The following PDE5A variants were observed in gnomAD, a reference collection of about 807,000 sequenced individuals.
PDE5A encodes the protein phosphodiesterase 5A.
Under a neutral mutation model 110.2 loss-of-function variants are expected in PDE5A, and 67 were observed. The ratio of observed to expected loss-of-function variants is 0.61; its 90% CI spans 0.50 to 0.75. The LOEUF is 0.75. Among genes scored for constraint, PDE5A ranks in the 30% least tolerant of loss-of-function variants. The pLI, the probability that PDE5A is intolerant of heterozygous loss-of-function variation, is 0.00. For synonymous variants in PDE5A, 328 were observed against 351.2 expected, an observed-to-expected ratio of 0.93 and a Z score of 0.74; for missense variants, 862 against 1,045.1, an observed-to-expected ratio of 0.82 and a Z score of 2.42.
intron 19 of PDE5A, chr4:119,502,337 C>T (rs186121617): frequency 5.9e-4 from 178 of 303,610 alleles, no homozygotes; most frequent in African/African-American, 3.4e-3. Context: ...AATACTTAAG[C>T]GGAAAAAAAC....
At chr4:119,576,339 A>C (rs1000287380) in intron 3 of PDE5A, among the ~76,000 whole-genome samples, 7 of 152,228 alleles carry the variant, frequency 4.6e-5, no homozygotes, top group African/African-American at 1.4e-4. Flanking sequence ...AGGTGGACCT[A>C]ATAGACATCT....
chr4:119,516,265 C>G (rs1221528878), intron 14 of PDE5A, among the ~76,000 whole-genome samples: 4 of 152,196 alleles, frequency 2.6e-5, no homozygotes, highest in African/African-American at 9.7e-5. Context: ...TTGTAGTGAT[C>G]ACTATTACTT....
chr4:119,600,333 A>G (rs936896139), intron 2 of PDE5A, among the ~76,000 whole-genome samples: 2 of 152,136 alleles, frequency 1.3e-5, no homozygotes, highest in Admixed American at 1.3e-4. Flanking sequence ...TTTTATTATA[A>G]TAAGTAGATA....
chr4:119,496,665 T>G lies in PDE5A; in HGVS notation c.*1936A>C, dbSNP rs1233537445. 3.9e-5 allele frequency: 6 copies of G among 152,506 alleles called. No homozygotes were observed. The highest frequency in any genetic ancestry group is 7.4e-5 in the Non-Finnish European group (5 of 67,936). 9.4% of individuals were successfully genotyped at this position (152,506 alleles called of 1,614,324 possible). On this transcript the variant is annotated 3_prime_UTR_variant, in exon 21 of 21. Coordinates refer to ENST00000354960, the MANE Select transcript of PDE5A (RefSeq NM_001083.4). ...TGTAATAAAAAGGTTTATTAAAGAT[T>G]GCTATTCTTTATGCAATTTTTCTAT...
chr4:119,549,302 T>C (rs1727255743), intron 9 of PDE5A: 1 of 152,232 alleles, frequency 6.6e-6, no homozygotes, highest in African/African-American at 2.4e-5. Flanking sequence ...GATGTAGGTG[T>C]TTAGCCAGTT....
Position 119,496,757 on chromosome 4 carries a change from T to C in PDE5A, c.*1844A>G, listed in dbSNP as rs1341154844. 1 of 152,576 alleles carries C rather than the reference T, an allele frequency of 6.6e-6. No homozygotes were observed. The highest frequency in any genetic ancestry group is 1.5e-5 in the Non-Finnish European group (1 of 68,000). The allele number at this position is 152,576 out of a possible 1,614,324, so 9.5% of individuals were successfully genotyped here. A position where few individuals can be genotyped will look rare whatever the true frequency, so the allele number is the denominator to read the frequency against. The stretch of plus-strand genomic sequence containing the variant: ...GTATATATAACTATTATTTTAGTGA[T>C]AGTCTGTGTATTTTACACACCAGTG... On this transcript the variant is annotated 3_prime_UTR_variant, in exon 21 of 21. Coordinates refer to ENST00000354960, the MANE Select transcript of PDE5A (RefSeq NM_001083.4).
rs879557506 is a variant in PDE5A at position 119,557,892 on chromosome 4, C to T, written c.1199+2404G>A. On this transcript the variant is annotated intron_variant, in intron 7 of 20. Transcript: ENST00000354960. ...ACTTATTTAATTACACTTATATTTTCTAATATGATAATCAATAACAAGTAT... is the reference window on the plus strand; with the variant it reads ...ACTTATTTAATTACACTTATATTTTTTAATATGATAATCAATAACAAGTAT... Among the ~76,000 whole-genome samples the T allele has an allele frequency of 2.6e-4, 39 of 152,206 alleles. No homozygotes were observed. In the Middle Eastern group the frequency reaches 0.01, roughly 40 times the overall value.
At chr4:119,505,780 T>TAACA (rs1479182078) in intron 17 of PDE5A, 75 bp downstream of exon 17, 5 of 823,182 alleles carry the variant, frequency 6.1e-6, no homozygotes, top group South Asian at 1.6e-5. Flanking sequence ...CAATAAAAAC[T>TAACA]AACAGTGAGG....
Position 119,498,564 on chromosome 4 carries a change from A to G in PDE5A, c.*37T>C. ...AACTAGGCATATTGCAGAACACACCATCTCTGTAAACTTCAACTCTGCATG... is the reference window on the plus strand; with the variant it reads ...AACTAGGCATATTGCAGAACACACCGTCTCTGTAAACTTCAACTCTGCATG... On this transcript the variant is annotated 3_prime_UTR_variant, in exon 21 of 21. Transcript: ENST00000354960. The G allele has an allele frequency of 6.2e-7, 1 of 1,612,416 alleles. No homozygotes were observed. The highest frequency in any genetic ancestry group is 8.5e-7 in the Non-Finnish European group (1 of 1,178,700).
At chr4:119,585,822 T>C (rs2110525870) in intron 3 of PDE5A, among the ~76,000 whole-genome samples, 1 of 152,294 alleles carries the variant, frequency 6.6e-6, no homozygotes, top group South Asian at 2.1e-4. Flanking sequence ...TATAGAGCAC[T>C]ACTGCTTCCT....
intron 16 of PDE5A, 73 bp downstream of exon 16, chr4:119,507,531 T>C (rs1053623630): frequency 2.0e-6 from 2 of 986,434 alleles, no homozygotes; most frequent in Non-Finnish European, 3.1e-6. Context: ...AATTTCTCAA[T>C]ATGGATGTCA....
chr4:119,608,775 A>G (rs28681016), intron 1 of PDE5A, among the ~76,000 whole-genome samples: 3,895 of 152,324 alleles, frequency 0.026, 161 homozygotes, highest in African/African-American at 0.088. Flanking sequence ...TATACCAAAC[A>G]AAAGTCCAGG....
intron 3 of PDE5A, among the ~76,000 whole-genome samples, chr4:119,585,769 G>A (rs780374422): frequency 3.3e-5 from 5 of 152,134 alleles, no homozygotes; most frequent in East Asian, 1.9e-4. Flanking sequence ...AGAACAGAAC[G>A]CCGGGAAAGT....
intron 11 of PDE5A, among the ~76,000 whole-genome samples, chr4:119,526,139 A>G (rs1189230986): frequency 6.6e-6 from 1 of 152,174 alleles, no homozygotes; most frequent in Non-Finnish European, 1.5e-5. Flanking sequence ...GTTAGTTCTC[A>G]GGACAGCCTT....
chr4:119,523,922 T>C (rs1417106891), intron 12 of PDE5A, among the ~76,000 whole-genome samples: 1 of 152,026 alleles, frequency 6.6e-6, no homozygotes. Flanking sequence ...GAGATTCACA[T>C]AGAACTTCTG....
At chr4:119,530,866 T>C (rs1726507084) in intron 11 of PDE5A, among the ~76,000 whole-genome samples, 1 of 152,148 alleles carries the variant, frequency 6.6e-6, no homozygotes, top group Non-Finnish European at 1.5e-5. Flanking sequence ...TTGTGGTACA[T>C]GCCTTTTTCT....
chr4:119,557,034 A>G (rs201371568), intron 7 of PDE5A, among the ~76,000 whole-genome samples: 32 of 151,422 alleles, frequency 2.1e-4, no homozygotes, highest in African/African-American at 7.7e-4. Flanking sequence ...TAGCTGACCA[A>G]TGTCTCAAGT....
intron 10 of PDE5A, among the ~76,000 whole-genome samples, chr4:119,540,858 C>CA (rs903694536): frequency 1.3e-5 from 2 of 151,886 alleles, no homozygotes; most frequent in African/African-American, 4.8e-5. Context: ...CCATTTTTTT[C>CA]AAAGTTATAT....
intron 3 of PDE5A, among the ~76,000 whole-genome samples, chr4:119,593,269 T>A (rs1025682882): frequency 6.6e-5 from 10 of 152,206 alleles, no homozygotes; most frequent in East Asian, 5.8e-4. Flanking sequence ...CAAAGGTCTG[T>A]ATGCAAACAC....
Sources: allele counts gnomAD v4.1 joint callset (sites outside exome capture counted in the v4.1 genomes callset), GRCh38; gene constraint gnomAD v4.1.1; transcripts MANE v1.5; gene names NCBI Gene and HGNC (gene_info 2026-07-23, HGNC 2026-07-21).